The following DNAAF9 variants were observed in gnomAD, a reference collection of about 807,000 sequenced individuals.
DNAAF9 encodes the protein dynein axonemal assembly factor 9, also known as shulin.
Under a neutral mutation model 167.0 loss-of-function variants are expected in DNAAF9, and 90 were observed. The observed-to-expected ratio is 0.54, with a 90% CI of 0.45 to 0.64. The LOEUF (loss-of-function observed/expected upper bound fraction) is 0.64, where lower values mean the gene tolerates loss of function less well. Among genes scored for constraint, DNAAF9 ranks in the 30% least tolerant of loss-of-function variants. The probability of loss-of-function intolerance (pLI) is 0.00; values close to 1 mark genes in which losing one functional copy is unlikely to be tolerated. For synonymous variants in DNAAF9, 491 were observed against 508.8 expected (o/e 0.96, Z 0.47); for missense variants, 1,315 against 1,442.2 (o/e 0.91, Z 1.43).
chr20:3,326,966 G>A (rs1264938041), intron 12 of DNAAF9, among the ~76,000 whole-genome samples: 1 of 152,058 alleles, frequency 6.6e-6, no homozygotes, highest in Non-Finnish European at 1.5e-5. Context: ...ATACCCACTT[G>A]CTGCTTTCCC....
rs2068171786 is a variant in DNAAF9, at chr20:3,249,814, T to C, written c.*2758A>G. ...AAAATTCTCCAAAATCCTAATAGAA[T>C]TTAGGAGGGAACTTTTTCTTGCGAC... is the stretch of plus-strand genomic sequence containing the variant. On this transcript the variant is annotated 3_prime_UTR_variant, in exon 37 of 37. Coordinates refer to ENST00000252032, the MANE Select transcript of DNAAF9 (RefSeq NM_001009984.3). 1 of 152,096 alleles carries C rather than the reference T, an allele frequency of 6.6e-6. No individual in the cohort carries two copies. Among genetic ancestry groups the C allele is most frequent in the African/African-American group, 2.4e-5 (1 of 41,394 alleles). The allele number at this position is 152,096 out of a possible 1,614,324, so 9.4% of individuals were successfully genotyped here. A position where few individuals can be genotyped will look rare whatever the true frequency, so the allele number is the denominator to read the frequency against.
At chr20:3,285,698 G>A (rs2122881815) in intron 27 of DNAAF9, among the ~76,000 whole-genome samples, 1 of 141,804 alleles carries the variant, frequency 7.1e-6, no homozygotes, top group African/African-American at 2.7e-5. Flanking sequence ...AAAAAAAAGG[G>A]CCAGGAGCGG....
At chr20:3,295,678 G>T in intron 23 of DNAAF9, 1 of 558,046 alleles carries the variant, frequency 1.8e-6, no homozygotes, top group Non-Finnish European at 3.6e-6. Context: ...GAGACAAACT[G>T]TAACACAGTC....
At chr20:3,267,638 C>A (rs1435676105) in intron 30 of DNAAF9, among the ~76,000 whole-genome samples, 1 of 152,016 alleles carries the variant, frequency 6.6e-6, no homozygotes, top group African/African-American at 2.4e-5. Flanking sequence ...AGTTCAACAC[C>A]AGCCTGGCCA....
At chr20:3,336,268 T>TTTGTTTG (rs1555793473) in intron 10 of DNAAF9, among the ~76,000 whole-genome samples, 4 of 149,608 alleles carry the variant, frequency 2.7e-5, no homozygotes, top group African/African-American at 9.9e-5. Flanking sequence ...GTTTTTTTTT[T>TTTGTTTG]TTTTTTTGCC....
chr20:3,375,517 A>G (rs1163258400), intron 4 of DNAAF9, among the ~76,000 whole-genome samples: 2 of 152,174 alleles, frequency 1.3e-5, no homozygotes, highest in East Asian at 3.9e-4. Flanking sequence ...AGGGAAAGAA[A>G]AACAGATACC....
chr20:3,396,097 C>T (rs1444907339), intron 1 of DNAAF9, among the ~76,000 whole-genome samples: 8 of 152,244 alleles, frequency 5.3e-5, no homozygotes, highest in Non-Finnish European at 1.2e-4. Context: ...TCACCTTCCA[C>T]CATGATTGTG....
At chr20:3,278,779 G>A in intron 29 of DNAAF9, 133 bp downstream of exon 29, 1 of 773,052 alleles carries the variant, frequency 1.3e-6, no homozygotes, top group Non-Finnish European at 2.4e-6. Flanking sequence ...AAGTAAAGGT[G>A]TCAAAGTTTT....
At chr20:3,406,859 G>A (rs1376200298) in intron 1 of DNAAF9, among the ~76,000 whole-genome samples, 2 of 152,126 alleles carry the variant, frequency 1.3e-5, no homozygotes, top group East Asian at 3.9e-4. Flanking sequence ...GGCTGAGGCA[G>A]GGGGAGCTGG....
intron 6 of DNAAF9, among the ~76,000 whole-genome samples, chr20:3,369,267 G>A (rs1444446604): frequency 2.0e-5 from 3 of 151,906 alleles, no homozygotes; most frequent in East Asian, 1.9e-4. Flanking sequence ...GATTGGGAAT[G>A]TTTATGTTTT....
intron 23 of DNAAF9, among the ~76,000 whole-genome samples, chr20:3,295,185 T>G (rs1328001235): frequency 6.7e-6 from 1 of 149,592 alleles, no homozygotes. Context: ...TTTTTTTTCT[T>G]TTTTTGAGAC....
intron 10 of DNAAF9, among the ~76,000 whole-genome samples, chr20:3,339,957 T>A (rs1462370285): frequency 6.6e-6 from 1 of 152,234 alleles, no homozygotes; most frequent in East Asian, 1.9e-4. Flanking sequence ...GCCAGAGACA[T>A]TTTGAAAATA....
At chr20:3,340,433 T>TCCGGGGGGGGGCCCCCCCCC in intron 10 of DNAAF9, 71 bp downstream of exon 10, 2 of 221,214 alleles carry the variant, frequency 9.0e-6, no homozygotes, top group Non-Finnish European at 9.5e-6. Flanking sequence ...TTTGTCTAGC[T>TCCGGGGGGGGGCCCCCCCCC]CCCCCCACCC....
chr20:3,399,186 C>G (rs952798125), intron 1 of DNAAF9, among the ~76,000 whole-genome samples: 3 of 152,142 alleles, frequency 2.0e-5, no homozygotes, highest in Non-Finnish European at 2.9e-5. Flanking sequence ...AAACAGTTGA[C>G]TAATCCATAT....
intron 12 of DNAAF9, among the ~76,000 whole-genome samples, chr20:3,326,567 AC>A (rs1174851897): frequency 6.6e-6 from 1 of 151,996 alleles, no homozygotes; most frequent in Non-Finnish European, 1.5e-5. Flanking sequence ...CCCCATCTCG[AC>A]AAAAAATAAA....
Position 3,250,789 on chromosome 20 carries a change from G to C in DNAAF9, c.*1783C>G, listed in dbSNP as rs1200247715. On this transcript the variant is annotated 3_prime_UTR_variant, in exon 37 of 37. Coordinates refer to ENST00000252032, the MANE Select transcript of DNAAF9 (RefSeq NM_001009984.3). ...TTAAAACTTCACAGCAGCCCACTTA[G>C]AGAAATGGCCTGTGGTTCCCACCCC... 1 of 152,248 alleles carries C rather than the reference G, an allele frequency of 6.6e-6. No homozygotes were observed. The allele number at this position is 152,248 out of a possible 1,614,324, so 9.4% of individuals were successfully genotyped here. A position where few individuals can be genotyped will look rare whatever the true frequency, so the allele number is the denominator to read the frequency against.
chr20:3,282,848 C>T (rs1022386587), intron 27 of DNAAF9, among the ~76,000 whole-genome samples: 5 of 152,286 alleles, frequency 3.3e-5, no homozygotes, highest in East Asian at 1.9e-4. Flanking sequence ...CGGCATCTTA[C>T]GGACAGGCAT....
At position 3,316,747 on chromosome 20, in the gene DNAAF9, A is replaced by G. The variant is rs747431267; in HGVS notation, c.1515T>C (p.Ala505=). The G allele has an allele frequency of 3.1e-6, 5 of 1,613,688 alleles. No homozygotes were observed. In the Admixed American group the frequency reaches 5.0e-5, roughly 16 times the overall value. ...TETSSVVLTA[A]VPRFCSWLVE... ...CCAGCCAGGAGCAGAATCTGGGTACAGCAGCAGTCAGGACTACGGAGCTGG... is the reference window on the plus strand; with the variant it reads ...CCAGCCAGGAGCAGAATCTGGGTACGGCAGCAGTCAGGACTACGGAGCTGG... The change falls in exon 18 of 37, where the codon GCT becomes GCC. Residue 505 remains alanine (A), a synonymous_variant. Transcript: ENST00000252032.
chr20:3,347,110 A>G (rs1311326208), intron 8 of DNAAF9, among the ~76,000 whole-genome samples: 1 of 152,084 alleles, frequency 6.6e-6, no homozygotes, highest in Non-Finnish European at 1.5e-5. Context: ...AAAATCTTAA[A>G]AGCTGCCAGA....
Sources: gnomAD v4.1 joint callset for allele counts (sites outside exome capture counted in the v4.1 genomes callset) on GRCh38, gnomAD v4.1.1 for gene constraint, MANE v1.5 for transcripts, NCBI Gene and HGNC (gene_info 2026-07-23, HGNC 2026-07-21) for gene names.